Variants in PROM1 observed in about 807,000 individuals in gnomAD.
PROM1 encodes the protein prominin 1, also known as prominin-1.
In PROM1, 105 loss-of-function variants were observed where a neutral mutation model predicts 116.9. The ratio of observed to expected loss-of-function variants is 0.90; its 90% CI spans 0.77 to 1.06. The LOEUF is 1.06. Ranked by LOEUF, PROM1 falls within the 50% of genes least tolerant of loss-of-function variation. The pLI is 0.00. For synonymous variants in PROM1, 393 were observed against 387.0 expected, an observed-to-expected ratio of 1.02 and a Z score of -0.18; for missense variants, 1,122 against 1,045.2, an observed-to-expected ratio of 1.07 and a Z score of -1.01.
chr4:15,995,747 C>T (rs1354518343), intron 15 of PROM1, among the ~76,000 whole-genome samples: 1 of 152,170 alleles, frequency 6.6e-6, no homozygotes, highest in Non-Finnish European at 1.5e-5. Flanking sequence ...GGTGCCATTT[C>T]CCTCAGGTAG....
intron 7 of PROM1, among the ~76,000 whole-genome samples, chr4:16,024,072 GT>G (rs1209349850): frequency 2.0e-5 from 3 of 152,206 alleles, no homozygotes; most frequent in Admixed American, 6.5e-5. Context: ...TCCAGTAAGT[GT>G]AAAATGAAAA....
At chr4:16,066,247 CA>C (rs202198152) in intron 2 of PROM1, among the ~76,000 whole-genome samples, 2,171 of 152,280 alleles carry the variant, frequency 0.014, 58 homozygotes, top group African/African-American at 0.049. Flanking sequence ...TTTCTTTGTC[CA>C]TGTCATCACC....
chr4:15,978,561 T>C (rs1418653070), intron 26 of PROM1, among the ~76,000 whole-genome samples: 1 of 152,196 alleles, frequency 6.6e-6, no homozygotes, highest in East Asian at 1.9e-4. Context: ...ACTGGATGCC[T>C]CCCATGTGGA....
At chr4:16,043,780 G>T (rs910988008) in intron 2 of PROM1, among the ~76,000 whole-genome samples, 1 of 152,172 alleles carries the variant, frequency 6.6e-6, no homozygotes, top group Non-Finnish European at 1.5e-5. Context: ...GTGGTTCTGC[G>T]CCTCTCCATC....
rs1713653429 is a variant in PROM1 at position 15,968,705 on chromosome 4, T to C, written c.*688A>G. 6.6e-6 allele frequency: 1 copy of C among 152,198 alleles called. No homozygotes were observed. Among genetic ancestry groups the C allele is most frequent in the Admixed American group, 6.5e-5 (1 of 15,270 alleles). The allele number at this position is 152,198 out of a possible 1,614,324, so 9.4% of individuals were successfully genotyped here. On this transcript the variant is annotated 3_prime_UTR_variant, in exon 28 of 28. Coordinates refer to ENST00000447510, the MANE Select transcript of PROM1 (RefSeq NM_006017.3). The stretch of plus-strand genomic sequence containing the variant: ...TCTCTTTTGAATTTGTCAGATGGAG[T>C]TACGCAGGTTTCTCTATGATTGCTT...
At chr4:15,998,343 G>C in intron 15 of PROM1, 42 bp downstream of exon 15, 1 of 1,497,186 alleles carries the variant, frequency 6.7e-7, no homozygotes, top group Middle Eastern at 1.9e-4. Context: ...TCCAGAAAAA[G>C]AACATCTTAA....
intron 16 of PROM1, among the ~76,000 whole-genome samples, chr4:15,993,038 G>A (rs180744961): frequency 6.6e-5 from 10 of 152,288 alleles, no homozygotes; most frequent in African/African-American, 2.4e-5. Context: ...ACAGCACGAC[G>A]GGCATCTATT....
At chr4:16,077,646 C>A (rs1744241318) in intron 1 of PROM1, among the ~76,000 whole-genome samples, 1 of 152,180 alleles carries the variant, frequency 6.6e-6, no homozygotes, top group African/African-American at 2.4e-5. Flanking sequence ...AACCATGCGG[C>A]CAAGAGTCAA....
chr4:16,029,161 C>G (rs1268649782), intron 5 of PROM1, among the ~76,000 whole-genome samples: 1 of 152,198 alleles, frequency 6.6e-6, no homozygotes, highest in Non-Finnish European at 1.5e-5. Flanking sequence ...TTCAGGACTG[C>G]TACATCTAGC....
rs1482244160 is a variant in PROM1 at position 15,970,384 on chromosome 4, GC to G, written c.*24+658del. Among the ~76,000 whole-genome samples the G allele has an allele frequency of 2.0e-5, 3 of 151,770 alleles. No homozygotes were observed. In the East Asian group the frequency reaches 5.8e-4, roughly 29 times the overall value. On this transcript the variant is annotated intron_variant, in intron 27 of 27. Coordinates refer to ENST00000447510, the MANE Select transcript of PROM1 (RefSeq NM_006017.3). ...GACAGGGTTTCACCATGTTGGCCAG[GC>G]TGGTTTTGAGCTCCTGACCTCAAGT...
intron 26 of PROM1, among the ~76,000 whole-genome samples, chr4:15,975,628 C>A (rs1715911842): frequency 1.3e-5 from 2 of 152,214 alleles, no homozygotes; most frequent in African/African-American, 2.4e-5. Flanking sequence ...TCCACTCCAA[C>A]TCAGACCCCT....
intron 8 of PROM1, among the ~76,000 whole-genome samples, 160 bp from the exon 9 acceptor site, chr4:16,018,700 G>T (rs769399420): frequency 1.3e-5 from 2 of 152,148 alleles, no homozygotes; most frequent in Non-Finnish European, 2.9e-5. Flanking sequence ...CAGGAGCATC[G>T]CTAGGCTGCT....
intron 23 of PROM1, among the ~76,000 whole-genome samples, chr4:15,982,578 C>A (rs1718245856): frequency 1.3e-5 from 2 of 152,184 alleles, no homozygotes; most frequent in Admixed American, 1.3e-4. Flanking sequence ...CTACACAGCT[C>A]CAGCCTATGA....
chr4:15,979,220 T>A (rs1375377254), intron 26 of PROM1, among the ~76,000 whole-genome samples, 175 bp downstream of exon 26: 1 of 152,214 alleles, frequency 6.6e-6, no homozygotes, highest in Non-Finnish European at 1.5e-5. Flanking sequence ...GACTGAACAT[T>A]TAAACTCATG....
rs983013736 is a variant in PROM1 at position 15,968,295 on chromosome 4, G to C, written c.*1098C>G. 1 of 152,152 alleles carries C rather than the reference G, an allele frequency of 6.6e-6. No homozygotes were observed. The highest frequency in any genetic ancestry group is 1.5e-5 in the Non-Finnish European group (1 of 68,042). 9.4% of individuals were successfully genotyped at this position (152,152 alleles called of 1,614,324 possible). A position where few individuals can be genotyped will look rare whatever the true frequency, so the allele number is the denominator to read the frequency against. ...ATCTGCACATGAAAAGACCTGGGGG[G>C]AATGCCTACATCTGGAATTTCATTA... On this transcript the variant is annotated 3_prime_UTR_variant, in exon 28 of 28. Transcript: ENST00000447510.
At chr4:16,056,674 A>G (rs941894208) in intron 2 of PROM1, among the ~76,000 whole-genome samples, 2 of 151,748 alleles carry the variant, frequency 1.3e-5, no homozygotes, top group South Asian at 2.1e-4. Flanking sequence ...TCGAAAGAAG[A>G]AAAAAAAGAA....
intron 15 of PROM1, among the ~76,000 whole-genome samples, chr4:15,995,819 G>A (rs1196800623): frequency 6.6e-6 from 1 of 152,156 alleles, no homozygotes; most frequent in African/African-American, 2.4e-5. Context: ...TTCTAGAGTA[G>A]CCTCAATACA....
At chr4:16,028,316 G>T (rs1022399567) in intron 5 of PROM1, among the ~76,000 whole-genome samples, 2 of 152,162 alleles carry the variant, frequency 1.3e-5, no homozygotes, top group East Asian at 1.9e-4. Context: ...GTAGCAGGGG[G>T]TCATGGGAGC....
intron 2 of PROM1, 85 bp from the exon 3 acceptor site, chr4:16,039,086 A>G (rs574601995): frequency 2.8e-6 from 3 of 1,087,896 alleles, no homozygotes; most frequent in Non-Finnish European, 3.7e-6. Context: ...TTATATGCTT[A>G]AAAATTATTA....
Sources: gnomAD v4.1 joint callset for allele counts (sites outside exome capture counted in the v4.1 genomes callset) on GRCh38, gnomAD v4.1.1 for gene constraint, MANE v1.5 for transcripts, NCBI Gene and HGNC (gene_info 2026-07-23, HGNC 2026-07-21) for gene names.